IFIT1: variants seen among roughly 807,000 people sequenced by gnomAD.
IFIT1 encodes antiviral innate immune response effector IFIT1.
A neutral mutation model predicts 2.5 loss-of-function variants in IFIT1; 1 was observed. The ratio of observed to expected loss-of-function variants is 0.40; its 90% CI spans 0.14 to 1.92. The LOEUF is 1.92. Ranked by LOEUF, IFIT1 falls within the 40% of genes most tolerant of loss-of-function variation. IFIT1 has a pLI of 0.31. For synonymous variants in IFIT1, 191 were observed against 201.7 expected (o/e 0.95, Z 0.45); for missense variants, 508 against 557.8 (o/e 0.91, Z 0.90).
Position 89,403,212 on chromosome 10 carries a change from C to A in IFIT1, c.937C>A (p.Gln313Lys). The A allele has an allele frequency of 6.2e-7, 1 of 1,614,006 alleles. No homozygotes were observed. Among genetic ancestry groups the A allele is most frequent in the East Asian group, 2.2e-5 (1 of 44,874 alleles). ...GGCTACAAAAGGGCAGCCTAGAGGG[C>A]AGAACAGAGAAAAGCTAGACAAAAT... ...KEATKGQPRG[Q>K]NREKLDKMIR... The change falls in exon 2 of 2, where the codon CAG becomes AAG. Residue 313 changes from glutamine (Q) to lysine (K), a missense_variant. By Grantham distance (53) the Gln-to-Lys change is moderately conservative. Coordinates refer to ENST00000371804, the MANE Select transcript of IFIT1 (RefSeq NM_001548.5).
rs1334874394 is a variant in IFIT1 at position 89,405,101 on chromosome 10, T to A, written c.*1389T>A. 1 of 152,230 alleles carries A rather than the reference T, an allele frequency of 6.6e-6. No homozygotes were observed. The highest frequency in any genetic ancestry group is 2.4e-5 in the African/African-American group (1 of 41,462). 9.4% of individuals were successfully genotyped at this position (152,230 alleles called of 1,614,324 possible). A position where few individuals can be genotyped will look rare whatever the true frequency, so the allele number is the denominator to read the frequency against. On this transcript the variant is annotated 3_prime_UTR_variant, in exon 2 of 2. Transcript: ENST00000371804. ...TTCCCAAACCTCATGCAGTTTACAATCTAGTGAGAGACACAGATAGCAGTA... is the reference window on the plus strand; with the variant it reads ...TTCCCAAACCTCATGCAGTTTACAAACTAGTGAGAGACACAGATAGCAGTA...
intron 1 of IFIT1, among the ~76,000 whole-genome samples, chr10:89,395,437 T>C (rs2133617706): frequency 6.6e-6 from 1 of 152,330 alleles, no homozygotes; most frequent in South Asian, 2.1e-4. Context: ...CTCTTCTCTC[T>C]GGATCTGTAA....
chr10:89,399,109 T>C (rs1844385844), intron 1 of IFIT1, among the ~76,000 whole-genome samples: 1 of 152,228 alleles, frequency 6.6e-6, no homozygotes, highest in Non-Finnish European at 1.5e-5. Flanking sequence ...TTTATTTGCA[T>C]TTCACTAATG....
chr10:89,397,558 T>A (rs113538012), intron 1 of IFIT1, among the ~76,000 whole-genome samples: 3 of 152,302 alleles, frequency 2.0e-5, no homozygotes, highest in African/African-American at 7.2e-5. Context: ...TTTCTTTTTA[T>A]AGAGACAGGG....
chr10:89,393,984 T>C (rs770026432), intron 1 of IFIT1, among the ~76,000 whole-genome samples: 2 of 152,248 alleles, frequency 1.3e-5, no homozygotes, highest in South Asian at 2.1e-4. Flanking sequence ...AAAAGTGTTA[T>C]GTAAATTATT....
At chr10:89,399,462 T>G (rs1404377068) in intron 1 of IFIT1, among the ~76,000 whole-genome samples, 1 of 152,224 alleles carries the variant, frequency 6.6e-6, no homozygotes, top group Non-Finnish European at 1.5e-5. Context: ...CCAAATCCAA[T>G]GTTACAAAGC....
At chr10:89,400,298 T>G (rs1844403794) in intron 1 of IFIT1, among the ~76,000 whole-genome samples, 1 of 152,220 alleles carries the variant, frequency 6.6e-6, no homozygotes, top group South Asian at 2.1e-4. Context: ...GTTGAATTTT[T>G]CTATTTCTGC....
chr10:89,402,530 A>C lies in IFIT1; in HGVS notation c.255A>C (p.Glu85Asp). Residue 85 changes from glutamate (E) to aspartate (D), a missense_variant, in exon 2 of 2, where the codon GAA becomes GAC. By Grantham distance (45) the Glu-to-Asp change is conservative (BLOSUM62 2). Transcript: ENST00000371804. ...AAGCTGAAAACTTAATGCAGGAAGA[A>C]CATGACAACCAAGCAAATGTGAGGA... is the stretch of plus-strand genomic sequence containing the variant. ...LKEAENLMQE[E>D]HDNQANVRSL... The C allele has an allele frequency of 4.3e-6, 7 of 1,614,152 alleles. No individual in the cohort carries two copies. Among genetic ancestry groups the C allele is most frequent in the Non-Finnish European group, 5.9e-6 (7 of 1,179,966 alleles).
rs565848441 is a variant in IFIT1, at chr10:89,394,766, C to T, written c.5+2049C>T. The stretch of plus-strand genomic sequence containing the variant: ...TATATTCATGATACTACTGTGCAAT[C>T]ATCATCACTATCTAGTTCAAGAACA... On this transcript the variant is annotated intron_variant, in intron 1 of 1. Coordinates refer to ENST00000371804, the MANE Select transcript of IFIT1 (RefSeq NM_001548.5). Among the ~76,000 whole-genome samples, 510 of 151,852 alleles carry T rather than the reference C, an allele frequency of 3.4e-3. 4 individuals are homozygous for T. Among genetic ancestry groups the T allele is most frequent in the Admixed American group, 6.2e-3 (94 of 15,250 alleles).
intron 1 of IFIT1, among the ~76,000 whole-genome samples, chr10:89,397,402 T>C (rs11203109): frequency 0.25 from 38,117 of 151,992 alleles, 4,990 homozygotes; most frequent in Middle Eastern, 0.28. Context: ...TGTCATCAGA[T>C]TGATCTTGAA....
intron 1 of IFIT1, among the ~76,000 whole-genome samples, chr10:89,396,787 G>A (rs1844350668): frequency 6.6e-6 from 1 of 152,234 alleles, no homozygotes; most frequent in African/African-American, 2.4e-5. Flanking sequence ...TGGGTGAGAA[G>A]TGATAGCTCA....
rs191896760 is a variant in IFIT1, at chr10:89,394,412, G to A, written c.5+1695G>A. On this transcript the variant is annotated intron_variant, in intron 1 of 1. Transcript: ENST00000371804. The stretch of plus-strand genomic sequence containing the variant: ...CACACAGACAATAAGTGGTAGCTTT[G>A]AGATATGGATCAGGATCTCTACATT... Among the ~76,000 whole-genome samples the A allele has an allele frequency of 1.2e-4, 18 of 152,030 alleles. No individual in the cohort carries two copies. In the East Asian group the frequency reaches 2.7e-3, roughly 23 times the overall value.
Position 89,403,921 on chromosome 10 carries a change from A to T in IFIT1, c.*209A>T, listed in dbSNP as rs1844486234. 1 of 459,142 alleles carries T rather than the reference A, an allele frequency of 2.2e-6. No individual in the cohort carries two copies. Among genetic ancestry groups the T allele is most frequent in the Admixed American group, 3.9e-5 (1 of 25,602 alleles). 28.4% of individuals were successfully genotyped at this position (459,142 alleles called of 1,614,324 possible). On this transcript the variant is annotated 3_prime_UTR_variant, in exon 2 of 2. Transcript: ENST00000371804. ...GTAAGAAAGAGAAATCATTTGTATG[A>T]GTGCTATGTAGTAGAGAAAAAATGT... is the stretch of plus-strand genomic sequence containing the variant.
At chr10:89,395,926 T>A (rs1844336828) in intron 1 of IFIT1, among the ~76,000 whole-genome samples, 4 of 152,258 alleles carry the variant, frequency 2.6e-5, no homozygotes, top group Admixed American at 2.0e-4. Flanking sequence ...TCATTCCTTT[T>A]TATGGCTACA....
intron 1 of IFIT1, among the ~76,000 whole-genome samples, chr10:89,395,258 T>C (rs776471204): frequency 8.3e-6 from 1 of 120,510 alleles, no homozygotes; most frequent in Non-Finnish European, 1.6e-5. Flanking sequence ...CTTGGCAAAA[T>C]TGCACCTGCT....
intron 1 of IFIT1, among the ~76,000 whole-genome samples, chr10:89,395,820 GA>G (rs77969642): frequency 0.18 from 26,283 of 147,036 alleles, 2,913 homozygotes; most frequent in East Asian, 0.45. Context: ...ACAAAATTAG[GA>G]AAAAAAAAAA....
Position 89,402,376 on chromosome 10 carries a change from AT to A in IFIT1, c.104del (p.Leu35Ter). Reference protein sequence around the residue: ...ELSIDDDEMPDLENRVLDQIE... With the variant: ...ELSIDDDEMPXLENRVLDQIE... ...TCCATTGATGACGATGAAATGCCTG[AT>A]TTAGAAAACAGAGTCTTGGATCAGA... On this transcript the variant is annotated frameshift_variant, in exon 2 of 2. Coordinates refer to ENST00000371804, the MANE Select transcript of IFIT1 (RefSeq NM_001548.5). LOFTEE classifies it low-confidence loss of function (END_TRUNC). 6.2e-7 allele frequency: 1 copy of A among 1,614,194 alleles called. No individual in the cohort carries two copies. The highest frequency in any genetic ancestry group is 1.6e-4 in the Middle Eastern group (1 of 6,062).
chr10:89,394,807 G>A (rs1844318322), intron 1 of IFIT1, among the ~76,000 whole-genome samples: 1 of 151,594 alleles, frequency 6.6e-6, no homozygotes, highest in Admixed American at 6.6e-5. Flanking sequence ...CTCGCTATGT[G>A]GAGAAACTGC....
chr10:89,399,327 T>A (rs1464334740), intron 1 of IFIT1, among the ~76,000 whole-genome samples: 1 of 152,214 alleles, frequency 6.6e-6, no homozygotes, highest in Non-Finnish European at 1.5e-5. Flanking sequence ...TGATTTGTCT[T>A]ATCACTCTGT....
Sources: gnomAD v4.1 joint callset for allele counts (sites outside exome capture counted in the v4.1 genomes callset) on GRCh38, gnomAD v4.1.1 for gene constraint, MANE v1.5 for transcripts, NCBI Gene and HGNC (gene_info 2026-07-23, HGNC 2026-07-21) for gene names.